Variants in EGFLAM observed in about 807,000 individuals in gnomAD.
EGFLAM encodes pikachurin.
Under a neutral mutation model 113.1 loss-of-function variants are expected in EGFLAM, and 79 were observed. The observed-to-expected ratio is 0.70, with a 90% CI of 0.58 to 0.84. The LOEUF (loss-of-function observed/expected upper bound fraction) is 0.84. Ranked by LOEUF, EGFLAM falls within the 40% of genes least tolerant of loss-of-function variation. EGFLAM has a pLI of 0.00. For missense variants in EGFLAM, 1,265 were observed against 1,291.6 expected, an observed-to-expected ratio of 0.98 and a Z score of 0.32; for synonymous variants, 504 against 487.6, an observed-to-expected ratio of 1.03 and a Z score of -0.44.
intron 5 of EGFLAM, among the ~76,000 whole-genome samples, chr5:38,360,261 T>G (rs1739883769): frequency 1.3e-5 from 2 of 152,198 alleles, no homozygotes; most frequent in Non-Finnish European, 2.9e-5. Context: ...CTGTGAAGGT[T>G]AAAGGCATTT....
At chr5:38,340,172 G>T (rs532751785) in intron 3 of EGFLAM, among the ~76,000 whole-genome samples, 2 of 152,304 alleles carry the variant, frequency 1.3e-5, no homozygotes, top group South Asian at 4.1e-4. Flanking sequence ...GGTCACTGCT[G>T]TATATACCTA....
intron 6 of EGFLAM, chr5:38,403,992 C>G: frequency 6.2e-7 from 1 of 1,601,500 alleles, no homozygotes; most frequent in Non-Finnish European, 8.5e-7. Flanking sequence ...CACCGCCTCC[C>G]CTTTGTTATC....
chr5:38,371,638 GCA>G (rs1740216899), intron 6 of EGFLAM, among the ~76,000 whole-genome samples: 3 of 150,792 alleles, frequency 2.0e-5, no homozygotes, highest in Non-Finnish European at 3.0e-5. Context: ...ACACACACAC[GCA>G]CACACATATG....
At chr5:38,373,491 A>G (rs1740278022) in intron 6 of EGFLAM, among the ~76,000 whole-genome samples, 1 of 151,972 alleles carries the variant, frequency 6.6e-6, no homozygotes, top group Non-Finnish European at 1.5e-5. Context: ...GTTAGTTCCC[A>G]CTTGTAAGTG....
chr5:38,273,324 C>G (rs1757811959), intron 1 of EGFLAM, among the ~76,000 whole-genome samples: 1 of 152,236 alleles, frequency 6.6e-6, no homozygotes, highest in Admixed American at 6.5e-5. Context: ...GCCCCTAGAC[C>G]TATCCCTACA....
chr5:38,334,464 T>G (rs1739132396), intron 1 of EGFLAM, among the ~76,000 whole-genome samples: 1 of 152,120 alleles, frequency 6.6e-6, no homozygotes, highest in African/African-American at 2.4e-5. Flanking sequence ...CTCTAGGATA[T>G]CTTTTGGGGA....
At chr5:38,332,193 GT>G (rs1332324943) in intron 1 of EGFLAM, among the ~76,000 whole-genome samples, 3 of 152,288 alleles carry the variant, frequency 2.0e-5, no homozygotes, top group Middle Eastern at 3.4e-3. Flanking sequence ...TGTGGAGCAT[GT>G]TTTCATATGC....
intron 1 of EGFLAM, among the ~76,000 whole-genome samples, chr5:38,335,208 T>A (rs1579786547): frequency 6.6e-6 from 1 of 152,196 alleles, no homozygotes; most frequent in African/African-American, 2.4e-5. Flanking sequence ...AAAATGAAAA[T>A]GTATGTACTC....
chr5:38,404,848 G>A (rs965505137), intron 6 of EGFLAM, among the ~76,000 whole-genome samples: 1 of 152,260 alleles, frequency 6.6e-6, no homozygotes, highest in Non-Finnish European at 1.5e-5. Context: ...CCCTGGAGCC[G>A]CTCTTTAAAA....
chr5:38,279,898 G>A (rs1254705285), intron 1 of EGFLAM, among the ~76,000 whole-genome samples: 1 of 152,008 alleles, frequency 6.6e-6, no homozygotes, highest in Non-Finnish European at 1.5e-5. Flanking sequence ...AACTATGTGA[G>A]GTAATGCATT....
intron 5 of EGFLAM, among the ~76,000 whole-genome samples, chr5:38,358,446 CA>C (rs34444620): frequency 0.029 from 2,183 of 74,064 alleles, 54 homozygotes; most frequent in African/African-American, 0.099. Flanking sequence ...GACTCCGTCT[CA>C]AAAAAAAAAA....
chr5:38,258,901 G>A, intron 1 of EGFLAM, 50 bp downstream of exon 1: 1 of 1,559,816 alleles, frequency 6.4e-7, no homozygotes, highest in South Asian at 1.2e-5. Context: ...GCCCCTGCTG[G>A]GCTCCGGGGC....
At chr5:38,404,800 C>G (rs1203911604) in intron 6 of EGFLAM, among the ~76,000 whole-genome samples, 1 of 152,134 alleles carries the variant, frequency 6.6e-6, no homozygotes, top group Non-Finnish European at 1.5e-5. Flanking sequence ...AAGTTAATAC[C>G]TGTGCTGGCC....
intron 18 of EGFLAM, among the ~76,000 whole-genome samples, chr5:38,449,462 C>T (rs895331831): frequency 6.6e-6 from 1 of 152,196 alleles, no homozygotes; most frequent in South Asian, 2.1e-4. Flanking sequence ...CCTCCTTCTT[C>T]AGCCCTTTCT....
intron 13 of EGFLAM, among the ~76,000 whole-genome samples, chr5:38,426,475 G>A (rs1043488942): frequency 3.3e-5 from 5 of 152,154 alleles, no homozygotes; most frequent in African/African-American, 7.2e-5. Flanking sequence ...ATTCAGATTT[G>A]GACCTAAGAT....
chr5:38,306,939 C>T (rs139877766), intron 1 of EGFLAM, among the ~76,000 whole-genome samples: 5 of 152,236 alleles, frequency 3.3e-5, no homozygotes, highest in East Asian at 1.9e-4. Context: ...TCAATAAACC[C>T]GGCTGGCAGC....
At chr5:38,330,552 A>G (rs983231669) in intron 1 of EGFLAM, among the ~76,000 whole-genome samples, 1 of 152,042 alleles carries the variant, frequency 6.6e-6, no homozygotes, top group African/African-American at 2.4e-5. Flanking sequence ...CTTTCTACCA[A>G]TTTCCATAAC....
chr5:38,418,044 T>G (rs1400958681), intron 11 of EGFLAM, 22 bp from the exon 12 acceptor site: 1 of 1,602,138 alleles, frequency 6.2e-7, no homozygotes, highest in South Asian at 1.1e-5. Flanking sequence ...AGAGTATTCA[T>G]GAGTGGTCAT....
chr5:38,293,374 T>C (rs1758378804), intron 1 of EGFLAM, among the ~76,000 whole-genome samples: 1 of 152,232 alleles, frequency 6.6e-6, no homozygotes, highest in South Asian at 2.1e-4. Flanking sequence ...CCCACAGAAT[T>C]ACAGTGAGGA....
Sources: gnomAD v4.1 joint callset for allele counts (sites outside exome capture counted in the v4.1 genomes callset) on GRCh38, gnomAD v4.1.1 for gene constraint, MANE v1.5 for transcripts, NCBI Gene and HGNC (gene_info 2026-07-23, HGNC 2026-07-21) for gene names.